The following LEKR1 variants were observed in gnomAD, a reference collection of about 807,000 sequenced individuals.
LEKR1 encodes protein LEKR1.
In LEKR1, 59 loss-of-function variants were observed where a neutral mutation model predicts 72.4. The observed-to-expected ratio is 0.82, with a 90% confidence interval of 0.66 to 1.01. The LOEUF (loss-of-function observed/expected upper bound fraction) is 1.01, where lower values mean the gene tolerates loss of function less well. LEKR1 is among the 50% of genes least tolerant of loss of function. The probability of loss-of-function intolerance (pLI) is 0.00; values close to 1 mark genes in which losing one functional copy is unlikely to be tolerated. For missense variants in LEKR1, 728 were observed against 759.2 expected, an observed-to-expected ratio of 0.96 and a Z score of 0.48; for synonymous variants, 257 against 263.2, an observed-to-expected ratio of 0.98 and a Z score of 0.23.
In LEKR1 at chr3:156,852,959, T is replaced by A. The variant is rs1715567066; in HGVS notation, c.240T>A (p.Ile80=). 5 of 1,534,196 alleles carry A rather than the reference T, an allele frequency of 3.3e-6. No individual in the cohort carries two copies. The highest frequency in any genetic ancestry group is 2.5e-5 in the East Asian group (1 of 40,710). ...SLSQELEQYK[I]DNKSKTERIY... is the part of the protein sequence containing the mutation. ...GCCAAGAACTTGAACAGTACAAAAT[T>A]GACAACAAATCCAAAACAGAAAGGT... Residue 80 remains isoleucine (I), a synonymous_variant, in exon 3 of 13, where the codon ATT becomes ATA. Transcript: ENST00000356539.
At chr3:156,942,093 A>G (rs1726261395) in intron 5 of LEKR1, among the ~76,000 whole-genome samples, 1 of 151,942 alleles carries the variant, frequency 6.6e-6, no homozygotes. Context: ...TTTCTTCATA[A>G]TTTGTAGAGA....
chr3:156,845,248 A>G (rs78525408), intron 2 of LEKR1, among the ~76,000 whole-genome samples: 1 of 151,906 alleles, frequency 6.6e-6, no homozygotes, highest in Non-Finnish European at 1.5e-5. Flanking sequence ...TACTAGTAAG[A>G]TACGTGGTTT....
At position 156,995,992 on chromosome 3, in the gene LEKR1, C is replaced by T. The variant is rs371777781; in HGVS notation, c.1109+2715C>T. Among the ~76,000 whole-genome samples the T allele has an allele frequency of 5.9e-5, 9 of 152,250 alleles. No homozygotes were observed. In the South Asian group the frequency reaches 1.9e-3, roughly 32 times the overall value. On this transcript the variant is annotated intron_variant, in intron 9 of 12. Coordinates refer to ENST00000356539, the MANE Select transcript of LEKR1 (RefSeq NM_001004316.3). ...CTCTAACTGCCCAGAGCCTGCCACA[C>T]ATATCCACTCAATAAATATTTGTTG...
At chr3:156,900,702 T>G (rs973723252) in intron 3 of LEKR1, among the ~76,000 whole-genome samples, 1 of 152,206 alleles carries the variant, frequency 6.6e-6, no homozygotes, top group South Asian at 2.1e-4. Flanking sequence ...AATTGTTTGC[T>G]AGAGTATTTG....
At chr3:156,996,151 C>T (rs1389636963) in intron 9 of LEKR1, among the ~76,000 whole-genome samples, 2 of 151,668 alleles carry the variant, frequency 1.3e-5, no homozygotes, top group African/African-American at 2.4e-5. Context: ...AGGGTAGAGA[C>T]AAACAGTAAA....
At chr3:156,878,400 G>C (rs1228930921) in intron 3 of LEKR1, among the ~76,000 whole-genome samples, 2 of 152,132 alleles carry the variant, frequency 1.3e-5, no homozygotes, top group Non-Finnish European at 2.9e-5. Context: ...TCATTCAAAA[G>C]TAGATCACTT....
chr3:156,950,219 A>G (rs1037156061), intron 6 of LEKR1, among the ~76,000 whole-genome samples: 1 of 150,662 alleles, frequency 6.6e-6, no homozygotes, highest in Admixed American at 6.6e-5. Context: ...TTCATTTCTT[A>G]TATTGTTTTG....
Position 156,966,260 on chromosome 3 carries a change from G to C in LEKR1, c.746-12934G>C, listed in dbSNP as rs946755073. Among the ~76,000 whole-genome samples the C allele has an allele frequency of 1.2e-4, 18 of 152,060 alleles. 1 individual carries two copies. Among genetic ancestry groups the C allele is most frequent in the African/African-American group, 4.1e-4 (17 of 41,388 alleles). The stretch of plus-strand genomic sequence containing the variant: ...ACTGAGGTACTGGGTTCATCTCACT[G>C]GGGAGTGTTGGAAATTGGGTGCAGG... On this transcript the variant is annotated intron_variant, in intron 6 of 12. Coordinates refer to ENST00000356539, the MANE Select transcript of LEKR1 (RefSeq NM_001004316.3).
rs1238452535 is a variant in LEKR1 at position 156,852,871 on chromosome 3, T to G, written c.152T>G (p.Met51Arg). 6.5e-7 allele frequency: 1 copy of G among 1,534,336 alleles called. No homozygotes were observed. The highest frequency in any genetic ancestry group is 8.7e-7 in the Non-Finnish European group (1 of 1,144,808). The change falls in exon 3 of 13, where the codon ATG (methionine) becomes AGG (arginine). Residue 51 changes from methionine (M) to arginine (R), a missense_variant. Met to Arg is a moderately conservative substitution (Grantham distance 91). Coordinates refer to ENST00000356539, the MANE Select transcript of LEKR1 (RefSeq NM_001004316.3). ...AAAGTGAAAGCAATGGAAAAAGAGA[T>G]GAAATTTTATCAAGGAAGTGTAGAT... ...EEKVKAMEKE[M>R]KFYQGSVDRE... is the part of the protein sequence containing the mutation.
chr3:157,024,943 C>G lies in LEKR1; in HGVS notation c.1368+19C>G. On this transcript the variant is annotated intron_variant, in intron 11 of 12. Transcript: ENST00000356539. ...AATGAAGGTCTGTAATTATGATGTT[C>G]ATCATTATTTAATAGATTTGAAACT... 6.6e-7 allele frequency: 1 copy of G among 1,509,902 alleles called. No individual in the cohort carries two copies. Among genetic ancestry groups the G allele is most frequent in the Non-Finnish European group, 9.1e-7 (1 of 1,102,744 alleles). 93.5% of individuals were successfully genotyped at this position (1,509,902 alleles called of 1,614,324 possible). A position where few individuals can be genotyped will look rare whatever the true frequency, so the allele number is the denominator to read the frequency against.
At chr3:156,945,998 T>C (rs959335704) in intron 6 of LEKR1, among the ~76,000 whole-genome samples, 1 of 151,786 alleles carries the variant, frequency 6.6e-6, no homozygotes. Flanking sequence ...ATGACATTGG[T>C]ATTTTGATAG....
At chr3:157,019,108 G>T (rs547919516) in intron 10 of LEKR1, among the ~76,000 whole-genome samples, 90 of 152,022 alleles carry the variant, frequency 5.9e-4, no homozygotes, top group Non-Finnish European at 7.8e-4. Flanking sequence ...TTTATTTTAG[G>T]AGCCATATCT....
intron 6 of LEKR1, among the ~76,000 whole-genome samples, chr3:156,974,924 A>G (rs1729559854): frequency 6.6e-6 from 1 of 152,156 alleles, no homozygotes; most frequent in South Asian, 2.1e-4. Flanking sequence ...GTGCAAAAAC[A>G]GCATATCCTC....
intron 3 of LEKR1, among the ~76,000 whole-genome samples, chr3:156,871,919 C>A (rs1202741471): frequency 6.6e-6 from 1 of 151,862 alleles, no homozygotes; most frequent in Non-Finnish European, 1.5e-5. Flanking sequence ...CCTTGTCTGG[C>A]TGTTTTTTTT....
chr3:157,015,697 A>G (rs1733256204), intron 10 of LEKR1, among the ~76,000 whole-genome samples: 1 of 152,210 alleles, frequency 6.6e-6, no homozygotes. Flanking sequence ...TTGGAAATAT[A>G]CAAGAAAATA....
intron 4 of LEKR1, among the ~76,000 whole-genome samples, chr3:156,922,143 G>T (rs550089874): frequency 1.3e-5 from 2 of 152,248 alleles, no homozygotes; most frequent in Admixed American, 6.5e-5. Flanking sequence ...ATTACAGTTT[G>T]TAATAGATGA....
intron 10 of LEKR1, among the ~76,000 whole-genome samples, chr3:157,016,986 T>C (rs1733392264): frequency 6.6e-6 from 1 of 152,050 alleles, no homozygotes; most frequent in South Asian, 2.1e-4. Flanking sequence ...AAAGATGAGA[T>C]GGGCCAAATG....
rs1735718743 is a variant in LEKR1 at position 157,045,825 on chromosome 3, A to C, written c.*75A>C. Reference sequence around the variant, plus strand: ...GAGTGCCAGGAATTCACTGTAACTGAGAATGACAATGATAAAATTATTTTC... The same window carrying C: ...GAGTGCCAGGAATTCACTGTAACTGCGAATGACAATGATAAAATTATTTTC... On this transcript the variant is annotated 3_prime_UTR_variant, in exon 13 of 13. Coordinates refer to ENST00000356539, the MANE Select transcript of LEKR1 (RefSeq NM_001004316.3). The C allele has an allele frequency of 4.0e-6, 5 of 1,248,240 alleles. No homozygotes were observed. In the South Asian group the frequency reaches 6.8e-5, roughly 17 times the overall value. 77.3% of individuals were successfully genotyped at this position (1,248,240 alleles called of 1,614,324 possible).
intron 6 of LEKR1, among the ~76,000 whole-genome samples, chr3:156,969,554 C>G (rs1381904259): frequency 6.6e-6 from 1 of 152,160 alleles, no homozygotes; most frequent in Non-Finnish European, 1.5e-5. Context: ...CACATACACC[C>G]TCCCAAGACT....
Sources: allele counts gnomAD v4.1 joint callset (sites outside exome capture counted in the v4.1 genomes callset), GRCh38; gene constraint gnomAD v4.1.1; transcripts MANE v1.5; gene names NCBI Gene and HGNC (gene_info 2026-07-23, HGNC 2026-07-21).